Variants in FBXL13 observed in about 807,000 individuals in gnomAD.
FBXL13 encodes F-box and leucine rich repeat protein 13.
Under a neutral mutation model 83.6 loss-of-function variants are expected in FBXL13, and 67 were observed. The observed-to-expected ratio is 0.80, with a 90% CI of 0.66 to 0.98. FBXL13 has a LOEUF of 0.98. FBXL13 is among the 50% of genes least tolerant of loss of function. FBXL13 has a pLI of 0.00. For missense variants in FBXL13, 822 were observed against 866.5 expected, an observed-to-expected ratio of 0.95 and a Z score of 0.64; for synonymous variants, 272 against 299.5, an observed-to-expected ratio of 0.91 and a Z score of 0.95.
At chr7:103,061,365 T>C (rs34053568) in intron 1 of FBXL13, among the ~76,000 whole-genome samples, 16,628 of 151,970 alleles carry the variant, frequency 0.11, 1,087 homozygotes, top group East Asian at 0.3. Flanking sequence ...TCTAAGAAAA[T>C]TGTTATTGGA....
intron 11 of FBXL13, among the ~76,000 whole-genome samples, chr7:102,887,441 A>G (rs1810950413): frequency 6.6e-6 from 1 of 151,714 alleles, no homozygotes; most frequent in Non-Finnish European, 1.5e-5. Context: ...ACACACACAA[A>G]CATCCAAGTG....
At chr7:102,980,441 T>C (rs1050733311) in intron 6 of FBXL13, among the ~76,000 whole-genome samples, 5 of 152,154 alleles carry the variant, frequency 3.3e-5, no homozygotes, top group Non-Finnish European at 7.3e-5. Context: ...CCTTACACCA[T>C]ATAGCAAAAT....
intron 6 of FBXL13, among the ~76,000 whole-genome samples, chr7:102,983,887 C>T (rs763953578): frequency 2.6e-4 from 39 of 152,134 alleles, no homozygotes; most frequent in Non-Finnish European, 5.0e-4. Flanking sequence ...TCCCTCAGGG[C>T]ACATGTGGAA....
rs200735984 is a variant in FBXL13, at chr7:102,934,062, C to A, written c.725-2129G>T. ...TCCAACCCGGTCAAACGCTACGCACCAGGCCTCCCGTGTGACGTGTACACA... is the reference window on the plus strand; with the variant it reads ...TCCAACCCGGTCAAACGCTACGCACAAGGCCTCCCGTGTGACGTGTACACA... On this transcript the variant is annotated intron_variant, in intron 8 of 19. Coordinates refer to ENST00000313221, the Ensembl canonical transcript of FBXL13. 2.5e-6 allele frequency: 4 copies of A among 1,614,188 alleles called. No individual in the cohort carries two copies. In the Admixed American group the frequency reaches 6.7e-5, roughly 27 times the overall value.
intron 2 of FBXL13, among the ~76,000 whole-genome samples, chr7:103,045,909 G>A (rs1796227875): frequency 6.6e-6 from 1 of 152,172 alleles, no homozygotes; most frequent in South Asian, 2.1e-4. Flanking sequence ...TAATCTCATG[G>A]TCGCACATTT....
intron 17 of FBXL13, among the ~76,000 whole-genome samples, chr7:102,838,846 A>G (rs1203572123): frequency 1.3e-5 from 2 of 152,204 alleles, no homozygotes; most frequent in Admixed American, 6.5e-5. Context: ...GTATTGTCCA[A>G]GGTTTCTCCC....
chr7:103,041,073 C>T (rs71483056), intron 2 of FBXL13, among the ~76,000 whole-genome samples: 3 of 151,586 alleles, frequency 2.0e-5, no homozygotes, highest in Non-Finnish European at 2.9e-5. Flanking sequence ...ATTGATAGAC[C>T]GATAGCAAGA....
At chr7:102,917,976 G>GA (rs1272423520) in intron 10 of FBXL13, among the ~76,000 whole-genome samples, 2 of 152,094 alleles carry the variant, frequency 1.3e-5, no homozygotes, top group Non-Finnish European at 2.9e-5. Flanking sequence ...AAAGAAGTGA[G>GA]AAAAAATATT....
chr7:102,813,434 C>A, exon 20 of FBXL13: 5 of 1,614,172 alleles, frequency 3.1e-6, no homozygotes, highest in Non-Finnish European at 4.2e-6. Flanking sequence ...AGCTCTGTAA[C>A]AGGGTTTCCT....
chr7:103,025,724 C>T (rs1793821846), intron 5 of FBXL13, among the ~76,000 whole-genome samples: 1 of 152,040 alleles, frequency 6.6e-6, no homozygotes, highest in Non-Finnish European at 1.5e-5. Context: ...TAAACATATA[C>T]ACAATATTGG....
intron 1 of FBXL13, among the ~76,000 whole-genome samples, chr7:103,062,443 T>C (rs1277665407): frequency 6.6e-6 from 1 of 151,980 alleles, no homozygotes; most frequent in Non-Finnish European, 1.5e-5. Flanking sequence ...TGGGAAGGAG[T>C]ATATCCAAAA....
intron 1 of FBXL13, among the ~76,000 whole-genome samples, chr7:103,072,920 T>C (rs1229520443): frequency 6.6e-6 from 1 of 152,262 alleles, no homozygotes; most frequent in Non-Finnish European, 1.5e-5. Flanking sequence ...GGCAAATTCC[T>C]ATCCCAGACG....
intron 8 of FBXL13, chr7:102,939,551 C>T (rs1004001192): frequency 1.6e-5 from 26 of 1,613,962 alleles, no homozygotes; most frequent in Non-Finnish European, 2.1e-5. Context: ...AGAAATTAAA[C>T]CTCAGCAGCA....
At chr7:102,946,193 C>CTT (rs1394222501) in intron 8 of FBXL13, among the ~76,000 whole-genome samples, 1 of 152,146 alleles carries the variant, frequency 6.6e-6, no homozygotes, top group East Asian at 1.9e-4. Flanking sequence ...ACTTTTAAAG[C>CTT]ACATGCTACA....
chr7:102,976,056 A>G, intron 6 of FBXL13: 1 of 766,380 alleles, frequency 1.3e-6, no homozygotes, highest in Non-Finnish European at 2.4e-6. Flanking sequence ...ACCCCACTGG[A>G]AGTTGGACTG....
intron 10 of FBXL13, among the ~76,000 whole-genome samples, chr7:102,921,752 T>C (rs952568260): frequency 6.6e-6 from 1 of 152,202 alleles, no homozygotes; most frequent in East Asian, 1.9e-4. Context: ...AAATTAATTA[T>C]AAACTAGTCT....
At chr7:102,953,930 G>C (rs1563143187) in intron 8 of FBXL13, among the ~76,000 whole-genome samples, 1 of 152,140 alleles carries the variant, frequency 6.6e-6, no homozygotes, top group Non-Finnish European at 1.5e-5. Context: ...TAGGGAAAGA[G>C]GGACAGACAA....
At chr7:102,903,081 G>A (rs1813173199) in intron 11 of FBXL13, among the ~76,000 whole-genome samples, 1 of 151,732 alleles carries the variant, frequency 6.6e-6, no homozygotes, top group Non-Finnish European at 1.5e-5. Flanking sequence ...CCAATTTTTG[G>A]TGTCCTCTTT....
chr7:102,833,111 A>T lies in FBXL13; in HGVS notation c.1720-137T>A, dbSNP rs945531482. On this transcript the variant is annotated intron_variant, in intron 17 of 19. Transcript: ENST00000313221. ...TCTTGATGCCCCCAAAAAATAATTT[A>T]AAAAACCCATGTTACATCCAACATC... is the stretch of plus-strand genomic sequence containing the variant. The T allele has an allele frequency of 1.1e-5, 10 of 886,102 alleles. No individual in the cohort carries two copies. The East Asian group carries it at 1.6e-4, about 14-fold the overall frequency. 54.9% of individuals were successfully genotyped at this position (886,102 alleles called of 1,614,324 possible). A position where few individuals can be genotyped will look rare whatever the true frequency, so the allele number is the denominator to read the frequency against.
Sources: allele counts gnomAD v4.1 joint callset (sites outside exome capture counted in the v4.1 genomes callset), GRCh38; gene constraint gnomAD v4.1.1; transcripts MANE v1.5; gene names NCBI Gene and HGNC (gene_info 2026-07-23, HGNC 2026-07-21).